Variants in SCN2A observed in about 807,000 individuals in gnomAD.
SCN2A encodes sodium voltage-gated channel alpha subunit 2.
Under a neutral mutation model 188.7 loss-of-function variants are expected in SCN2A, and 20 were observed. The ratio of observed to expected loss-of-function variants is 0.11; its 90% CI spans 0.07 to 0.15. SCN2A has a LOEUF of 0.15. Ranked by LOEUF, SCN2A falls within the 10% of genes least tolerant of loss-of-function variation. The pLI is 1.00. For synonymous variants in SCN2A, 804 were observed against 833.1 expected (o/e 0.97, Z 0.60); for missense variants, 1,278 against 2,445.0 (o/e 0.52, Z 10.07).
intron 1 of SCN2A, among the ~76,000 whole-genome samples, chr2:165,252,401 C>A (rs1034238124): frequency 6.6e-6 from 1 of 151,892 alleles, no homozygotes; most frequent in Non-Finnish European, 1.5e-5. Flanking sequence ...AAGTATATAT[C>A]ATTTAAATTT....
In SCN2A at chr2:165,390,838, A is replaced by G. The variant is rs1226114027; in HGVS notation, c.*1014A>G. Reference sequence around the variant, plus strand: ...CACTTTATAAAGTTGATTCTGCTTTATCCTGCAGTATTGTTTAGCCATCTT... The same window carrying G: ...CACTTTATAAAGTTGATTCTGCTTTGTCCTGCAGTATTGTTTAGCCATCTT... On this transcript the variant is annotated 3_prime_UTR_variant, in exon 27 of 27. Coordinates refer to ENST00000375437, the MANE Select transcript of SCN2A (RefSeq NM_001040142.2). The G allele has an allele frequency of 6.6e-6, 1 of 152,572 alleles. No homozygotes were observed. Among genetic ancestry groups the G allele is most frequent in the Admixed American group, 6.6e-5 (1 of 15,260 alleles). 9.5% of individuals were successfully genotyped at this position (152,572 alleles called of 1,614,324 possible).
chr2:165,349,096 C>T (rs1433234443), intron 16 of SCN2A, among the ~76,000 whole-genome samples: 1 of 152,092 alleles, frequency 6.6e-6, no homozygotes, highest in Non-Finnish European at 1.5e-5. Flanking sequence ...CATAGGGTTA[C>T]ATAGAACAGA....
intron 18 of SCN2A, among the ~76,000 whole-genome samples, chr2:165,366,187 T>C (rs534340789): frequency 2.4e-4 from 36 of 152,210 alleles, no homozygotes; most frequent in Non-Finnish European, 4.7e-4. Flanking sequence ...TGTTTTGTGA[T>C]AATTGTTGCT....
intron 26 of SCN2A, among the ~76,000 whole-genome samples, chr2:165,388,275 T>G (rs1701975163): frequency 6.6e-6 from 1 of 152,162 alleles, no homozygotes; most frequent in Non-Finnish European, 1.5e-5. Flanking sequence ...ACACCTTTAG[T>G]TCTTATGCAA....
In SCN2A at chr2:165,331,658, C is replaced by T. The variant is rs7585491; in HGVS notation, c.2388+90C>T. 2,431 of 1,015,266 alleles carry T rather than the reference C, an allele frequency of 2.4e-3. 32 individuals carry two copies. In the African/African-American group the frequency reaches 0.033, roughly 14 times the overall value. 62.9% of individuals were successfully genotyped at this position (1,015,266 alleles called of 1,614,324 possible). ...ATATTGCTCTCAAATTAAATATCAA[C>T]TAATTGGCCATGTATATCTTGACAT... On this transcript the variant is annotated intron_variant, in intron 14 of 26. Coordinates refer to ENST00000375437, the MANE Select transcript of SCN2A (RefSeq NM_001040142.2).
At chr2:165,306,320 A>T (rs1697127728) in intron 3 of SCN2A, among the ~76,000 whole-genome samples, 2 of 152,122 alleles carry the variant, frequency 1.3e-5, no homozygotes, top group Admixed American at 1.3e-4. Flanking sequence ...GAGGTTTGTG[A>T]CCATAAATTT....
intron 1 of SCN2A, among the ~76,000 whole-genome samples, chr2:165,292,278 G>T (rs1202330910): frequency 6.6e-6 from 1 of 152,030 alleles, no homozygotes; most frequent in Non-Finnish European, 1.5e-5. Flanking sequence ...ATTATTTTGG[G>T]CTACATCTTC....
chr2:165,303,270 G>GTTTTTTT (rs71028477), intron 3 of SCN2A, among the ~76,000 whole-genome samples: 6,742 of 90,704 alleles, frequency 0.074, 670 homozygotes, highest in East Asian at 0.14. Flanking sequence ...TGTTATTTGA[G>GTTTTTTT]TTTTTTTTTT....
At chr2:165,355,181 G>A (rs1700118852) in intron 17 of SCN2A, among the ~76,000 whole-genome samples, 1 of 152,150 alleles carries the variant, frequency 6.6e-6, no homozygotes, top group African/African-American at 2.4e-5. Context: ...TGATATTTAT[G>A]TATAGTTTAT....
chr2:165,262,582 A>G (rs1694645408), intron 1 of SCN2A, among the ~76,000 whole-genome samples: 1 of 152,006 alleles, frequency 6.6e-6, no homozygotes, highest in African/African-American at 2.4e-5. Flanking sequence ...GTATTCATAT[A>G]TATTTGTATA....
intron 13 of SCN2A, among the ~76,000 whole-genome samples, chr2:165,329,618 C>T (rs1399646114): frequency 6.6e-6 from 1 of 151,996 alleles, no homozygotes; most frequent in Non-Finnish European, 1.5e-5. Flanking sequence ...TTTTTTCTAT[C>T]CAGTTCCTGT....
At chr2:165,312,162 TC>T in intron 8 of SCN2A, 74 bp downstream of exon 8, 1 of 1,072,686 alleles carries the variant, frequency 9.3e-7, no homozygotes, top group South Asian at 1.3e-5. Context: ...CTCCCACTCA[TC>T]CAGTCCCACT....
chr2:165,321,074 A>T (rs1448425733), intron 11 of SCN2A, among the ~76,000 whole-genome samples: 1 of 152,202 alleles, frequency 6.6e-6, no homozygotes, highest in East Asian at 1.9e-4. Flanking sequence ...CACCACTTGA[A>T]TGCTTTGCTG....
At chr2:165,341,218 C>G (rs1699296026) in intron 14 of SCN2A, among the ~76,000 whole-genome samples, 1 of 152,142 alleles carries the variant, frequency 6.6e-6, no homozygotes, top group Non-Finnish European at 1.5e-5. Context: ...CTCAGCCTCC[C>G]GAGTAGCTAA....
In SCN2A at chr2:165,389,648, G is replaced by T; in HGVS notation, c.5842G>T (p.Asp1948Tyr). 6.2e-7 allele frequency: 1 copy of T among 1,613,738 alleles called. No individual in the cohort carries two copies. The highest frequency in any genetic ancestry group is 8.5e-7 in the Non-Finnish European group (1 of 1,179,766). The change falls in exon 27 of 27, where the codon GAT becomes TAT. Residue 1948 changes from aspartate to tyrosine, a missense_variant. Asp to Tyr is a radical substitution (Grantham distance 160). Coordinates refer to ENST00000375437, the MANE Select transcript of SCN2A (RefSeq NM_001040142.2). The surrounding 1 kb of genome is among the most constrained non-coding windows in gnomAD (Gnocchi z 4.2). ...ATGTGATGGAACACCCATCAAAGAA[G>T]ATACTCTCATTGATAAACTGAATGA... is the stretch of plus-strand genomic sequence containing the variant. The part of the protein sequence containing the change: ...KECDGTPIKE[D>Y]TLIDKLNENS...
At chr2:165,319,571 G>T (rs1288552466) in intron 11 of SCN2A, among the ~76,000 whole-genome samples, 1 of 152,178 alleles carries the variant, frequency 6.6e-6, no homozygotes, top group Non-Finnish European at 1.5e-5. Flanking sequence ...GGCAAAGGAA[G>T]AGGTTTAATT....
intron 1 of SCN2A, among the ~76,000 whole-genome samples, chr2:165,249,273 G>C (rs1032188621): frequency 6.6e-6 from 1 of 152,216 alleles, no homozygotes. Flanking sequence ...TCCTGCATAT[G>C]CTGTGTCCTG....
At chr2:165,260,442 T>A (rs1246492965) in intron 1 of SCN2A, among the ~76,000 whole-genome samples, 1 of 152,194 alleles carries the variant, frequency 6.6e-6, no homozygotes, top group Non-Finnish European at 1.5e-5. Context: ...AAATATTCAG[T>A]AAACCATGCT....
chr2:165,387,993 T>C (rs1034920453), intron 26 of SCN2A, among the ~76,000 whole-genome samples: 2 of 152,148 alleles, frequency 1.3e-5, no homozygotes, highest in African/African-American at 4.8e-5. Context: ...TTCTGTAAAA[T>C]GTTATTGTGA....
Sources: gnomAD v4.1 joint callset for allele counts (sites outside exome capture counted in the v4.1 genomes callset) on GRCh38, gnomAD v4.1.1 for gene constraint, Gnocchi (gnomAD v3.1) non-coding constraint, MANE v1.5 for transcripts, NCBI Gene and HGNC (gene_info 2026-07-23, HGNC 2026-07-21) for gene names.